ATXN3: variants seen among roughly 807,000 people sequenced by gnomAD.
The protein encoded by ATXN3 is ataxin 3, also known as ataxin-3.
ATXN3 carries 28 observed loss-of-function variants against 58.2 expected under a neutral mutation model. The ratio of observed to expected loss-of-function variants is 0.48; its 90% confidence interval spans 0.36 to 0.66. The LOEUF (loss-of-function observed/expected upper bound fraction) is 0.66, where lower values mean the gene tolerates loss of function less well. ATXN3 is among the 30% of genes least tolerant of loss of function. ATXN3 has a pLI of 0.00. For synonymous variants in ATXN3, 113 were observed against 138.5 expected, an observed-to-expected ratio of 0.82 and a Z score of 1.29; for missense variants, 321 against 422.1, an observed-to-expected ratio of 0.76 and a Z score of 2.10.
chr14:92,051,271 T>C (rs2057446825), upstream of ATXN3, among the ~76,000 whole-genome samples: 1 of 152,224 alleles, frequency 6.6e-6, no homozygotes. Flanking sequence ...TTTTTCTACC[T>C]TTTGTTCTTC....
At position 92,062,804 on chromosome 14, in the gene ATXN3, T is replaced by A. The variant is rs1251631192; in HGVS notation, c.*1516A>T. 6.6e-6 allele frequency: 1 copy of A among 152,616 alleles called. No individual in the cohort carries two copies. Among genetic ancestry groups the A allele is most frequent in the African/African-American group, 2.4e-5 (1 of 41,448 alleles). The allele number at this position is 152,616 out of a possible 1,614,324, so 9.5% of individuals were successfully genotyped here. A position where few individuals can be genotyped will look rare whatever the true frequency, so the allele number is the denominator to read the frequency against. On this transcript the variant is annotated 3_prime_UTR_variant, in exon 11 of 11. Coordinates refer to ENST00000644486, the MANE Select transcript of ATXN3 (RefSeq NM_004993.6). ...TCTTCTCTTTTCAGTTAGTTAGCAA[T>A]AAATCCTAGATCAAAAAACTTTCCC...
intron 9 of ATXN3, among the ~76,000 whole-genome samples, chr14:92,076,939 C>CAAAAAAAAAAAA: frequency 1.7e-5 from 1 of 59,800 alleles, no homozygotes; most frequent in African/African-American, 6.3e-5. Flanking sequence ...GATTTCGTCT[C>CAAAAAAAAAAAA]AAAAAAAAAA....
chr14:92,076,577 A>C (rs1184032225), intron 9 of ATXN3, among the ~76,000 whole-genome samples: 1 of 151,866 alleles, frequency 6.6e-6, no homozygotes, highest in Non-Finnish European at 1.5e-5. Flanking sequence ...CTTTTCTTAG[A>C]TATACCTGTA....
intron 10 of ATXN3, 96 bp downstream of exon 10, chr14:92,070,839 G>A (rs1337954043): frequency 1.2e-6 from 2 of 1,608,330 alleles, no homozygotes; most frequent in Non-Finnish European, 1.7e-6. Context: ...GATTAAAGAG[G>A]GAATGAAGAA....
At chr14:92,096,981 C>T (rs762526563) in intron 1 of ATXN3, 143 bp from the exon 2 acceptor site, 1 of 680,582 alleles carries the variant, frequency 1.5e-6, no homozygotes, top group African/African-American at 1.9e-5. Flanking sequence ...TATCTTGGCT[C>T]ACTGCAAGCT....
chr14:92,069,793 A>C (rs1469332336), intron 10 of ATXN3, among the ~76,000 whole-genome samples: 1 of 152,206 alleles, frequency 6.6e-6, no homozygotes, highest in Non-Finnish European at 1.5e-5. Context: ...AAAAATGCCA[A>C]ACTGTTTTCC....
At chr14:92,054,267 G>A (rs181624965), downstream of ATXN3, among the ~76,000 whole-genome samples, 1,041 of 152,258 alleles carry the variant, frequency 6.8e-3, 17 homozygotes, top group African/African-American at 0.02. Flanking sequence ...TGGGTAAAAT[G>A]AGGCTGAAAC....
chr14:92,097,526 A>G (rs1036889897), intron 1 of ATXN3, among the ~76,000 whole-genome samples: 12 of 145,268 alleles, frequency 8.3e-5, no homozygotes, highest in Admixed American at 4.1e-4. Context: ...ACACCTGGCC[A>G]ACTTTTTTTT....
intron 10 of ATXN3, among the ~76,000 whole-genome samples, chr14:92,067,685 C>A (rs1307655487): frequency 6.6e-6 from 1 of 152,256 alleles, no homozygotes; most frequent in Non-Finnish European, 1.5e-5. Context: ...GTGTGAGCCA[C>A]CATGCCCAGC....
At chr14:92,086,826 G>GC (rs1008263053) in intron 6 of ATXN3, among the ~76,000 whole-genome samples, 7 of 151,590 alleles carry the variant, frequency 4.6e-5, no homozygotes, top group African/African-American at 1.7e-4. Context: ...CAAAAAAAGG[G>GC]GGGGGGAACT....
intron 10 of ATXN3, among the ~76,000 whole-genome samples, chr14:92,066,622 T>A (rs143561346): frequency 6.9e-6 from 1 of 144,272 alleles, no homozygotes. Context: ...TTTTTTTTTT[T>A]TTTGAGACAA....
chr14:92,070,676 T>C, intron 10 of ATXN3: 2 of 915,508 alleles, frequency 2.2e-6, no homozygotes, highest in South Asian at 1.9e-5. Flanking sequence ...CATTAAATGT[T>C]CTAGCAATCC....
intron 9 of ATXN3, among the ~76,000 whole-genome samples, chr14:92,075,414 G>C (rs969066247): frequency 1.3e-4 from 20 of 152,172 alleles, no homozygotes; most frequent in African/African-American, 3.9e-4. Context: ...TGATTCGCCT[G>C]CCTTGGCCTC....
rs1001431422 is a variant in ATXN3, at chr14:92,059,871, C to T, written c.*4449G>A. ...AAAGAAAAAGAAAATAGCGGCCCAA[C>T]GCCTCTTCGTTTCCGGATTAAAAAA... is the stretch of plus-strand genomic sequence containing the variant. On this transcript the variant is annotated 3_prime_UTR_variant, in exon 11 of 11. Coordinates refer to ENST00000644486, the MANE Select transcript of ATXN3 (RefSeq NM_004993.6). The T allele has an allele frequency of 3.3e-5, 5 of 151,076 alleles. No homozygotes were observed. Among genetic ancestry groups the T allele is most frequent in the Admixed American group, 6.6e-5 (1 of 15,136 alleles). The allele number at this position is 151,076 out of a possible 1,614,324, so 9.4% of individuals were successfully genotyped here.
chr14:92,053,767 G>A (rs1353549762), downstream of ATXN3, among the ~76,000 whole-genome samples: 1 of 152,018 alleles, frequency 6.6e-6, no homozygotes, highest in African/African-American at 2.4e-5. Flanking sequence ...CCGAAATGCT[G>A]GGATGACAGG....
chr14:92,079,493 G>T (rs1264999488), intron 9 of ATXN3: 3 of 945,680 alleles, frequency 3.2e-6, no homozygotes, highest in Non-Finnish European at 3.8e-6. Context: ...AGAAAAAAAG[G>T]TAAATATTTT....
chr14:92,065,437 T>C (rs1425200871), intron 10 of ATXN3, among the ~76,000 whole-genome samples: 1 of 152,224 alleles, frequency 6.6e-6, no homozygotes, highest in East Asian at 1.9e-4. Context: ...TGTGAGAATA[T>C]AAATTTCTAT....
At chr14:92,075,665 GAAGA>G (rs1028921343) in intron 9 of ATXN3, among the ~76,000 whole-genome samples, 1 of 152,148 alleles carries the variant, frequency 6.6e-6, no homozygotes, top group Non-Finnish European at 1.5e-5. Context: ...GGGTGAGAGG[GAAGA>G]AAGAGTTAGC....
At chr14:92,051,814 G>A (rs2057449153), upstream of ATXN3, among the ~76,000 whole-genome samples, 1 of 127,184 alleles carries the variant, frequency 7.9e-6, no homozygotes, top group African/African-American at 3.0e-5. Flanking sequence ...TGCAACCTTC[G>A]CCTCCCAGGT....
Sources: gnomAD v4.1 joint callset for allele counts (sites outside exome capture counted in the v4.1 genomes callset) on GRCh38, gnomAD v4.1.1 for gene constraint, MANE v1.5 for transcripts, NCBI Gene and HGNC (gene_info 2026-07-23, HGNC 2026-07-21) for gene names.